The following RNF217 variants were observed in gnomAD, a reference collection of about 807,000 sequenced individuals.
RNF217 encodes ring finger protein 217, also known as E3 ubiquitin-protein ligase RNF217.
A neutral mutation model predicts 57.8 loss-of-function variants in RNF217; 31 were observed. The observed-to-expected ratio is 0.54, with a 90% CI of 0.40 to 0.72. RNF217 has a LOEUF of 0.72. Ranked by LOEUF, RNF217 falls within the 30% of genes least tolerant of loss-of-function variation. RNF217 has a pLI of 0.00. For synonymous variants in RNF217, 313 were observed against 294.0 expected, an observed-to-expected ratio of 1.06 and a Z score of -0.66; for missense variants, 696 against 708.3, an observed-to-expected ratio of 0.98 and a Z score of 0.20.
chr6:124,996,209 C>T (rs1784747568), intron 1 of RNF217, among the ~76,000 whole-genome samples: 1 of 152,126 alleles, frequency 6.6e-6, no homozygotes, highest in Admixed American at 6.5e-5. Flanking sequence ...TTTTGCCAGT[C>T]TGCAGGGTAT....
At chr6:124,983,322 A>C in intron 1 of RNF217, 7 of 968,266 alleles carry the variant, frequency 7.2e-6, no homozygotes, top group Non-Finnish European at 8.6e-6. Flanking sequence ...TTTGGTTTTC[A>C]TGGTAACTAA....
chr6:124,995,825 G>A (rs1582685479), intron 1 of RNF217, among the ~76,000 whole-genome samples: 3 of 152,288 alleles, frequency 2.0e-5, no homozygotes. Flanking sequence ...GGGAAGCTGA[G>A]CTAGGAGAAT....
chr6:125,042,149 A>G (rs771894215), intron 1 of RNF217, among the ~76,000 whole-genome samples: 2 of 152,158 alleles, frequency 1.3e-5, no homozygotes, highest in African/African-American at 2.4e-5. Context: ...AAGAGATTGC[A>G]TAGGTGATGA....
chr6:125,034,598 G>T (rs1467771936), intron 1 of RNF217, among the ~76,000 whole-genome samples: 2 of 152,098 alleles, frequency 1.3e-5, no homozygotes, highest in Non-Finnish European at 2.9e-5. Context: ...GGTTACTGTA[G>T]CCTTGTAGTA....
At chr6:124,976,316 T>A (rs1783961207) in intron 1 of RNF217, among the ~76,000 whole-genome samples, 1 of 143,270 alleles carries the variant, frequency 7.0e-6, no homozygotes, top group African/African-American at 2.5e-5. Flanking sequence ...TCACCTGGGC[T>A]GGAGTGCAGT....
intron 1 of RNF217, among the ~76,000 whole-genome samples, chr6:125,040,018 CT>C (rs1786809927): frequency 1.3e-5 from 2 of 152,096 alleles, no homozygotes; most frequent in South Asian, 4.2e-4. Flanking sequence ...AATCAACACC[CT>C]AACATCACAA....
At chr6:125,017,463 T>C (rs1424385200) in intron 1 of RNF217, among the ~76,000 whole-genome samples, 1 of 152,206 alleles carries the variant, frequency 6.6e-6, no homozygotes, top group East Asian at 1.9e-4. Context: ...CAAGCTGCTT[T>C]AAGGTTGTTC....
chr6:124,977,396 T>C (rs1463832341), intron 1 of RNF217, among the ~76,000 whole-genome samples: 1 of 152,216 alleles, frequency 6.6e-6, no homozygotes, highest in Non-Finnish European at 1.5e-5. Flanking sequence ...AAATTGAACA[T>C]GGACCTTTGA....
intron 1 of RNF217, among the ~76,000 whole-genome samples, chr6:125,034,966 A>G (rs1786541895): frequency 6.6e-6 from 1 of 152,074 alleles, no homozygotes; most frequent in East Asian, 1.9e-4. Flanking sequence ...GCAATTGTGA[A>G]TGGGAGTTCA....
chr6:124,976,544 A>G (rs1310828503), intron 1 of RNF217, among the ~76,000 whole-genome samples: 1 of 151,938 alleles, frequency 6.6e-6, no homozygotes, highest in Non-Finnish European at 1.5e-5. Context: ...CTGGGATTAT[A>G]GGTGTGAGCC....
At chr6:125,050,194 TCC>T (rs986707781) in intron 2 of RNF217, among the ~76,000 whole-genome samples, 1 of 151,936 alleles carries the variant, frequency 6.6e-6, no homozygotes, top group African/African-American at 2.4e-5. Context: ...GAATAAATGA[TCC>T]CCCTTTTCAT....
rs1788800394 is a variant in RNF217, at chr6:125,087,344, GC to G, written c.*4409del. ...AATTTTATAAGCAACCTGCACATAAGCCTTAATGTGAGTCTTCACATTGGAT... is the reference window on the plus strand; with the variant it reads ...AATTTTATAAGCAACCTGCACATAAGCTTAATGTGAGTCTTCACATTGGAT... On this transcript the variant is annotated 3_prime_UTR_variant, in exon 6 of 6. Transcript: ENST00000521654. 6.6e-6 allele frequency: 1 copy of G among 152,092 alleles called. No individual in the cohort carries two copies. Among genetic ancestry groups the G allele is most frequent in the Admixed American group, 6.6e-5 (1 of 15,262 alleles). The allele number at this position is 152,092 out of a possible 1,614,324, so 9.4% of individuals were successfully genotyped here.
rs1788966296 is a variant in RNF217, at chr6:125,091,964, A to AAT, written c.*9028_*9029dup. On this transcript the variant is annotated 3_prime_UTR_variant, in exon 6 of 6. Coordinates refer to ENST00000521654, the MANE Select transcript of RNF217 (RefSeq NM_001286398.3). Reference sequence around the variant, plus strand: ...ATATTCTTTATGTATCATAATATATAATTCAACTTTTCCTGATGAATGTAT... The same window carrying AAT: ...ATATTCTTTATGTATCATAATATATAATATTCAACTTTTCCTGATGAATGTAT... 2 of 152,312 alleles carry AAT rather than the reference A, an allele frequency of 1.3e-5. No homozygotes were observed. The highest frequency in any genetic ancestry group is 4.1e-4 in the South Asian group (2 of 4,826). The allele number at this position is 152,312 out of a possible 1,614,324, so 9.4% of individuals were successfully genotyped here.
At chr6:124,992,808 G>A (rs1235992710) in intron 1 of RNF217, among the ~76,000 whole-genome samples, 1 of 151,856 alleles carries the variant, frequency 6.6e-6, no homozygotes, top group Non-Finnish European at 1.5e-5. Flanking sequence ...TTACTAGTTA[G>A]TAAATGTAAT....
chr6:124,982,697 A>G (rs1784223151), intron 1 of RNF217, among the ~76,000 whole-genome samples: 1 of 152,178 alleles, frequency 6.6e-6, no homozygotes, highest in Non-Finnish European at 1.5e-5. Context: ...CAATTGCTTT[A>G]TGTGCCTACC....
At chr6:125,024,739 AATGAAAG>A (rs1435263479) in intron 1 of RNF217, among the ~76,000 whole-genome samples, 1 of 150,544 alleles carries the variant, frequency 6.6e-6, no homozygotes, top group Admixed American at 6.6e-5. Flanking sequence ...AAAAAAAAAA[AATGAAAG>A]TGGGCAGTCA....
chr6:125,065,191 T>G (rs1459461331), intron 3 of RNF217, among the ~76,000 whole-genome samples: 2 of 148,608 alleles, frequency 1.3e-5, no homozygotes. Context: ...CTTGGGAGGC[T>G]GAGGCAGGAG....
intron 3 of RNF217, among the ~76,000 whole-genome samples, chr6:125,062,795 C>T (rs576631131): frequency 4.6e-5 from 7 of 152,226 alleles, no homozygotes; most frequent in South Asian, 4.1e-4. Flanking sequence ...CAGCTTATCT[C>T]GAACTCCTGA....
chr6:125,039,224 C>A (rs182418104), intron 1 of RNF217, among the ~76,000 whole-genome samples: 9 of 152,070 alleles, frequency 5.9e-5, no homozygotes, highest in Admixed American at 1.3e-4. Context: ...TGCATATGTA[C>A]CACATTTTTT....
Sources: allele counts gnomAD v4.1 joint callset (sites outside exome capture counted in the v4.1 genomes callset), GRCh38; gene constraint gnomAD v4.1.1; transcripts MANE v1.5; gene names NCBI Gene and HGNC (gene_info 2026-07-23, HGNC 2026-07-21).